Variants in PUS7 observed in about 807,000 individuals in gnomAD.
PUS7 encodes the protein pseudouridine synthase 7.
A neutral mutation model predicts 79.8 loss-of-function variants in PUS7; 48 were observed. That is an observed-to-expected ratio of 0.60 (90% CI 0.48 to 0.76). The LOEUF (loss-of-function observed/expected upper bound fraction) is 0.76, where lower values mean the gene tolerates loss of function less well. PUS7 is among the 30% of genes least tolerant of loss of function. The probability of loss-of-function intolerance (pLI) is 0.00; values close to 1 mark genes in which losing one functional copy is unlikely to be tolerated. For missense variants in PUS7, 729 were observed against 797.6 expected (o/e 0.91, Z 1.04); for synonymous variants, 286 against 272.2 (o/e 1.05, Z -0.50).
intron 7 of PUS7, among the ~76,000 whole-genome samples, chr7:105,488,413 G>A (rs1170047888): frequency 6.6e-6 from 1 of 152,010 alleles, no homozygotes; most frequent in Admixed American, 6.6e-5. Context: ...AAAAAAAAGA[G>A]AGAGAGAATT....
intron 9 of PUS7, among the ~76,000 whole-genome samples, chr7:105,475,485 AT>A (rs538269458): frequency 1.3e-5 from 2 of 149,884 alleles, no homozygotes; most frequent in Non-Finnish European, 3.0e-5. Flanking sequence ...GTGCCAGGCC[AT>A]TTTTTTTGTA....
intron 2 of PUS7, among the ~76,000 whole-genome samples, chr7:105,507,140 G>A (rs146888609): frequency 0.14 from 20,857 of 151,814 alleles, 1,850 homozygotes; most frequent in South Asian, 0.26. Context: ...CCGCCTCCTG[G>A]GTTCAAGTGA....
intron 9 of PUS7, among the ~76,000 whole-genome samples, chr7:105,480,358 T>C (rs1824270608): frequency 6.6e-6 from 1 of 151,330 alleles, no homozygotes; most frequent in African/African-American, 2.4e-5. Context: ...GCCTGCAATC[T>C]CAGCTACTTG....
chr7:105,507,619 G>A (rs1465655543), intron 2 of PUS7, among the ~76,000 whole-genome samples: 2 of 151,948 alleles, frequency 1.3e-5, no homozygotes, highest in Admixed American at 6.6e-5. Flanking sequence ...TCGGCTCACT[G>A]CAACCTCCAC....
rs3864648 is a variant in PUS7, at chr7:105,506,420, T to G, written c.399-147A>C. 9.2e-3 allele frequency: 5,335 copies of G among 581,272 alleles called. 228 individuals are homozygous for G. Among genetic ancestry groups the G allele is most frequent in the African/African-American group, 0.087 (4,496 of 51,722 alleles). The allele number at this position is 581,272 out of a possible 1,614,324, so 36.0% of individuals were successfully genotyped here. On this transcript the variant is annotated intron_variant, in intron 2 of 15. Coordinates refer to ENST00000469408, the MANE Select transcript of PUS7 (RefSeq NM_019042.5). ...AGTGCAAAATCACATGGAGTTAATT[T>G]TTTTTTTCTTTTTTTTTTTTGAGAT...
At chr7:105,513,599 CG>C (rs1825779094) in intron 1 of PUS7, among the ~76,000 whole-genome samples, 1 of 147,852 alleles carries the variant, frequency 6.8e-6, no homozygotes, top group East Asian at 1.9e-4. Flanking sequence ...GCAGGTGGAT[CG>C]CCAAGGCAGG....
At chr7:105,458,000 T>C in intron 15 of PUS7, 74 bp from the exon 16 acceptor site, 2 of 1,524,990 alleles carry the variant, frequency 1.3e-6, no homozygotes, top group South Asian at 1.2e-5. Flanking sequence ...ACATAATCTC[T>C]AAGCAAATAC....
At position 105,495,422 on chromosome 7, in the gene PUS7, T is replaced by A. The variant is rs915969913; in HGVS notation, c.731-169A>T. 3 of 507,892 alleles carry A rather than the reference T, an allele frequency of 5.9e-6. No individual in the cohort carries two copies. The South Asian group carries it at 8.3e-5, about 14-fold the overall frequency. 31.5% of individuals were successfully genotyped at this position (507,892 alleles called of 1,614,324 possible). The stretch of plus-strand genomic sequence containing the variant: ...ACTAGAGGTATTACATTTCCTGTAA[T>A]TGGACACTTAACATTATCTATCCAT... On this transcript the variant is annotated intron_variant, in intron 5 of 15. Coordinates refer to ENST00000469408, the MANE Select transcript of PUS7 (RefSeq NM_019042.5).
In PUS7 at chr7:105,468,374, T is replaced by C. The variant is rs1170959533; in HGVS notation, c.1488A>G (p.Gly496=). The change falls in exon 12 of 16, where the codon GGA becomes GGG. Residue 496 remains glycine, a synonymous_variant. Transcript: ENST00000469408. ...NMVSKRIEDY[G]LKPVPGDLVL... ...CGAGGTCCCCTGGAACAGGTTTTAG[T>C]CCATAGTCTTCTATCCTCTTGCTTA... 2.5e-6 allele frequency: 4 copies of C among 1,613,880 alleles called. No individual in the cohort carries two copies. Among genetic ancestry groups the C allele is most frequent in the Non-Finnish European group, 3.4e-6 (4 of 1,179,892 alleles).
rs529900142 is a variant in PUS7 at position 105,477,063 on chromosome 7, G to A, written c.1175+3989C>T. On this transcript the variant is annotated intron_variant, in intron 9 of 15. Transcript: ENST00000469408. Reference sequence around the variant, plus strand: ...CTGTTGATAGCATCCTTTGATGCACGTTTTTAATTTTGATAAAGTCCAACT... The same window carrying A: ...CTGTTGATAGCATCCTTTGATGCACATTTTTAATTTTGATAAAGTCCAACT... Among the ~76,000 whole-genome samples the A allele has an allele frequency of 3.3e-5, 5 of 152,156 alleles. No individual in the cohort carries two copies. The East Asian group carries it at 5.8e-4, about 18-fold the overall frequency.
At chr7:105,498,858 C>T (rs973300424) in intron 5 of PUS7, among the ~76,000 whole-genome samples, 10 of 152,284 alleles carry the variant, frequency 6.6e-5, no homozygotes, top group African/African-American at 2.2e-4. Flanking sequence ...AACTCCAGGC[C>T]TCAAGTGATC....
rs142397482 is a variant in PUS7, at chr7:105,462,551, T to C, written c.1757+70A>G. The C allele has an allele frequency of 2.2e-4, 350 of 1,560,406 alleles. 2 individuals are homozygous for C. The African/African-American group carries it at 4.1e-3, about 18-fold the overall frequency. Reference sequence around the variant, plus strand: ...AATTCTTGTGCAGTACATGACTCTATATAAAGTGAAGCAAAAGCTTACAAC... The same window carrying C: ...AATTCTTGTGCAGTACATGACTCTACATAAAGTGAAGCAAAAGCTTACAAC... On this transcript the variant is annotated intron_variant, in intron 14 of 15. Transcript: ENST00000469408.
chr7:105,497,098 G>A (rs891257929), intron 5 of PUS7: 7 of 555,066 alleles, frequency 1.3e-5, no homozygotes, highest in South Asian at 5.3e-5. Flanking sequence ...TACAGCACCC[G>A]GTAGTTATGC....
At chr7:105,493,350 G>A (rs1824873847) in intron 6 of PUS7, among the ~76,000 whole-genome samples, 1 of 152,192 alleles carries the variant, frequency 6.6e-6, no homozygotes, top group African/African-American at 2.4e-5. Flanking sequence ...CTTAAATCCT[G>A]AGCAATCCTC....
intron 12 of PUS7, among the ~76,000 whole-genome samples, chr7:105,466,486 C>G (rs1823648314): frequency 6.6e-6 from 1 of 151,966 alleles, no homozygotes; most frequent in African/African-American, 2.4e-5. Context: ...CTCCTGGGCT[C>G]AAGTGATTCT....
chr7:105,470,823 G>C lies in PUS7; in HGVS notation c.1263C>G (p.Cys421Trp), dbSNP rs762525045. 8 of 1,604,598 alleles carry C rather than the reference G, an allele frequency of 5.0e-6. No homozygotes were observed. The Admixed American group carries it at 1.2e-4, about 24-fold the overall frequency. Residue 421 changes from cysteine to tryptophan, a missense_variant, in exon 11 of 16, where the codon TGC becomes TGG. Coordinates refer to ENST00000469408, the MANE Select transcript of PUS7 (RefSeq NM_019042.5). ...SGAEKGYLVK[C>W]REEWAKTKDP... Reference sequence around the variant, plus strand: ...CTTTGGTCTTTGCCCATTCTTCTCTGCATTTAACCAAGTAGCCCTTTTCAG... The same window carrying C: ...CTTTGGTCTTTGCCCATTCTTCTCTCCATTTAACCAAGTAGCCCTTTTCAG...
chr7:105,516,715 AAGT>A (rs1162966637), intron 1 of PUS7, among the ~76,000 whole-genome samples: 1 of 132,060 alleles, frequency 7.6e-6, no homozygotes, highest in African/African-American at 3.3e-5. Flanking sequence ...CGACCTCCCA[AAGT>A]TCCTGGGATT....
chr7:105,505,101 A>C (rs1562815657), intron 4 of PUS7, among the ~76,000 whole-genome samples: 2 of 140,964 alleles, frequency 1.4e-5, no homozygotes, highest in Non-Finnish European at 3.2e-5. Context: ...CCTAGGTTCA[A>C]GAGATTCTCT....
chr7:105,497,097 C>T (rs868252217), intron 5 of PUS7: 11 of 567,302 alleles, frequency 1.9e-5, no homozygotes, highest in South Asian at 5.2e-5. Flanking sequence ...CTACAGCACC[C>T]GGTAGTTATG....
Sources: allele counts gnomAD v4.1 joint callset (sites outside exome capture counted in the v4.1 genomes callset), GRCh38; gene constraint gnomAD v4.1.1; transcripts MANE v1.5; gene names NCBI Gene and HGNC (gene_info 2026-07-23, HGNC 2026-07-21).